MAST4: variants seen among roughly 807,000 people sequenced by gnomAD.
MAST4 encodes microtubule-associated serine/threonine-protein kinase 4.
In MAST4, 89 loss-of-function variants were observed where a neutral mutation model predicts 162.7. The observed-to-expected ratio is 0.55, with a 90% confidence interval of 0.46 to 0.65. MAST4 has a LOEUF of 0.65. Ranked by LOEUF, MAST4 falls within the 30% of genes least tolerant of loss-of-function variation. MAST4 has a pLI of 0.00. For missense variants in MAST4, 3,153 were observed against 3,374.0 expected (o/e 0.93, Z 1.62); for synonymous variants, 1,479 against 1,361.1 (o/e 1.09, Z -1.91).
At chr5:66,598,127 G>A (rs1742320318) in intron 1 of MAST4, among the ~76,000 whole-genome samples, 1 of 152,174 alleles carries the variant, frequency 6.6e-6, no homozygotes, top group South Asian at 2.1e-4. Flanking sequence ...AAAACTGGAT[G>A]TGGCACAAGG....
intron 3 of MAST4, among the ~76,000 whole-genome samples, chr5:66,897,269 A>G (rs1234373968): frequency 1.3e-5 from 2 of 152,182 alleles, no homozygotes; most frequent in African/African-American, 4.8e-5. Flanking sequence ...ACCCAGACCA[A>G]TACCACGTCT....
intron 14 of MAST4, among the ~76,000 whole-genome samples, chr5:67,125,412 TC>T (rs1254784115): frequency 1.3e-5 from 2 of 151,726 alleles, no homozygotes; most frequent in African/African-American, 2.4e-5. Context: ...AGCCCCCAAC[TC>T]CCCGACAGGC....
chr5:67,158,288 T>C (rs1772779742), intron 26 of MAST4, among the ~76,000 whole-genome samples: 1 of 152,270 alleles, frequency 6.6e-6, no homozygotes, highest in South Asian at 2.1e-4. Context: ...GCATGAAGAA[T>C]GTTTATTATT....
intron 12 of MAST4, among the ~76,000 whole-genome samples, chr5:67,115,969 C>T (rs537525893): frequency 2.6e-5 from 4 of 152,222 alleles, no homozygotes; most frequent in African/African-American, 9.6e-5. Flanking sequence ...ATTGCGTCAG[C>T]TCTTGAATTG....
chr5:67,009,728 A>G (rs1006106897), intron 4 of MAST4, among the ~76,000 whole-genome samples: 1 of 152,168 alleles, frequency 6.6e-6, no homozygotes, highest in African/African-American at 2.4e-5. Flanking sequence ...CGCTTGGCAT[A>G]TGAGGGAGTT....
intron 3 of MAST4, among the ~76,000 whole-genome samples, chr5:66,892,808 A>G (rs1016073447): frequency 4.6e-5 from 7 of 152,204 alleles, no homozygotes; most frequent in African/African-American, 1.7e-4. Flanking sequence ...TGATTCCACT[A>G]TCTCATGGCT....
chr5:66,929,162 G>A (rs928943241), intron 4 of MAST4, among the ~76,000 whole-genome samples: 3 of 152,172 alleles, frequency 2.0e-5, no homozygotes, highest in African/African-American at 7.2e-5. Flanking sequence ...CAGATGCAGG[G>A]AAACTAATGG....
At chr5:66,874,141 G>C (rs1761133616) in intron 3 of MAST4, among the ~76,000 whole-genome samples, 1 of 152,162 alleles carries the variant, frequency 6.6e-6, no homozygotes, top group Non-Finnish European at 1.5e-5. Context: ...AAGCTTGTCT[G>C]CTGGGAATTT....
chr5:66,779,652 G>A (rs181081066), intron 2 of MAST4, among the ~76,000 whole-genome samples: 1 of 152,284 alleles, frequency 6.6e-6, no homozygotes, highest in Non-Finnish European at 1.5e-5. Context: ...GAGCACAGCT[G>A]AAGATGAATA....
intron 5 of MAST4, among the ~76,000 whole-genome samples, chr5:67,057,142 CAT>C (rs1414815248): frequency 2.0e-5 from 3 of 152,224 alleles, no homozygotes; most frequent in African/African-American, 2.4e-5. Context: ...AGAAGAAAAA[CAT>C]GTGAATACGA....
intron 4 of MAST4, among the ~76,000 whole-genome samples, chr5:66,962,967 G>A (rs1274435117): frequency 6.6e-6 from 1 of 150,552 alleles, no homozygotes; most frequent in Non-Finnish European, 1.5e-5. Context: ...CATGAGGCCA[G>A]AAAGAAAAAA....
At chr5:66,925,313 G>T (rs1764818991) in intron 4 of MAST4, among the ~76,000 whole-genome samples, 1 of 152,142 alleles carries the variant, frequency 6.6e-6, no homozygotes, top group Non-Finnish European at 1.5e-5. Context: ...CATTTCCTCA[G>T]TTTCAGTAAT....
intron 10 of MAST4, among the ~76,000 whole-genome samples, chr5:67,106,019 C>A (rs2043416961): frequency 6.6e-6 from 1 of 152,172 alleles, no homozygotes; most frequent in African/African-American, 2.4e-5. Context: ...TTACTGTATT[C>A]AGCAGTGTTA....
At chr5:66,988,887 T>C (rs1247270933) in intron 4 of MAST4, among the ~76,000 whole-genome samples, 1 of 152,222 alleles carries the variant, frequency 6.6e-6, no homozygotes, top group Non-Finnish European at 1.5e-5. Flanking sequence ...TTTTAACGTT[T>C]CTAGAATCAG....
intron 27 of MAST4, among the ~76,000 whole-genome samples, 192 bp from the exon 28 acceptor site, chr5:67,162,415 A>G (rs750218115): frequency 4.6e-5 from 7 of 152,184 alleles, no homozygotes; most frequent in Non-Finnish European, 7.3e-5. Context: ...TCCATTGTCT[A>G]CTATTAAATA....
intron 2 of MAST4, among the ~76,000 whole-genome samples, chr5:66,778,705 G>A (rs1258200062): frequency 6.6e-6 from 1 of 152,132 alleles, no homozygotes; most frequent in Non-Finnish European, 1.5e-5. Context: ...ATGATTGAGG[G>A]TGAAAAGATG....
chr5:66,948,235 CAAAGACCGAGTTCCA>C, intron 4 of MAST4, among the ~76,000 whole-genome samples: 1 of 152,246 alleles, frequency 6.6e-6, no homozygotes, highest in East Asian at 1.9e-4. Context: ...GTTACGGAGC[CAAAGACCGAGTTCCA>C]AAGGACCAAA....
chr5:67,167,376 C>T lies in MAST4; in HGVS notation c.*325C>T. On this transcript the variant is annotated 3_prime_UTR_variant, in exon 29 of 29. Coordinates refer to ENST00000403625, the MANE Select transcript of MAST4 (RefSeq NM_001164664.2). ...TCGTGTTTGGTTTGGGATGTAGAGT[C>T]TATACCTGGCTGCTGATTGCGTCGT... 4.7e-6 allele frequency: 1 copy of T among 214,682 alleles called. No homozygotes were observed. The highest frequency in any genetic ancestry group is 9.4e-5 in the East Asian group (1 of 10,622). The allele number at this position is 214,682 out of a possible 1,614,324, so 13.3% of individuals were successfully genotyped here.
At chr5:67,159,162 G>GA (rs1343711154) in intron 26 of MAST4, among the ~76,000 whole-genome samples, 2 of 152,132 alleles carry the variant, frequency 1.3e-5, no homozygotes, top group Non-Finnish European at 2.9e-5. Context: ...ATGATAAAGG[G>GA]AAAATTTTTC....
Sources: allele counts gnomAD v4.1 joint callset (sites outside exome capture counted in the v4.1 genomes callset), GRCh38; gene constraint gnomAD v4.1.1; transcripts MANE v1.5; gene names NCBI Gene and HGNC (gene_info 2026-07-23, HGNC 2026-07-21).